The following PLXDC2 variants were observed in gnomAD, a reference collection of about 807,000 sequenced individuals.
The protein encoded by PLXDC2 is plexin domain-containing protein 2.
Under a neutral mutation model 68.9 loss-of-function variants are expected in PLXDC2, and 40 were observed. The observed-to-expected ratio is 0.58, with a 90% CI of 0.45 to 0.76. The LOEUF is 0.76. Among genes scored for constraint, PLXDC2 ranks in the 30% least tolerant of loss-of-function variants. PLXDC2 has a pLI of 0.00. For synonymous variants in PLXDC2, 243 were observed against 234.2 expected (o/e 1.04, Z -0.34); for missense variants, 644 against 661.9 (o/e 0.97, Z 0.30).
chr10:20,171,819 A>G (rs540339762), intron 7 of PLXDC2, among the ~76,000 whole-genome samples: 4 of 152,112 alleles, frequency 2.6e-5, no homozygotes, highest in African/African-American at 7.2e-5. Context: ...ACAATTTAGA[A>G]CTGTGTCTAG....
chr10:19,917,007 A>G (rs1408118890), intron 1 of PLXDC2, among the ~76,000 whole-genome samples: 1 of 152,208 alleles, frequency 6.6e-6, no homozygotes, highest in Non-Finnish European at 1.5e-5. Context: ...TTTGAAGACC[A>G]TTCTTTATAA....
intron 4 of PLXDC2, among the ~76,000 whole-genome samples, chr10:20,124,522 C>T (rs779892369): frequency 3.3e-5 from 5 of 152,118 alleles, no homozygotes; most frequent in African/African-American, 9.7e-5. Flanking sequence ...ATCCAAGTCA[C>T]GGCACCAAAT....
intron 4 of PLXDC2, among the ~76,000 whole-genome samples, chr10:20,109,105 C>G (rs967237289): frequency 5.9e-5 from 9 of 152,158 alleles, no homozygotes; most frequent in African/African-American, 1.9e-4. Flanking sequence ...ATTTGAAATG[C>G]TAACCTGGCG....
chr10:19,945,095 T>C (rs895147325), intron 1 of PLXDC2, among the ~76,000 whole-genome samples: 1 of 152,364 alleles, frequency 6.6e-6, no homozygotes, highest in South Asian at 2.1e-4. Flanking sequence ...TTACAGTCTG[T>C]TTAAACATCC....
intron 2 of PLXDC2, among the ~76,000 whole-genome samples, chr10:20,036,772 T>C (rs1271755416): frequency 6.6e-6 from 1 of 152,178 alleles, no homozygotes; most frequent in Non-Finnish European, 1.5e-5. Flanking sequence ...AGACCCATAA[T>C]TTATTCCGTT....
chr10:20,240,054 T>C (rs766532742), intron 12 of PLXDC2, among the ~76,000 whole-genome samples: 1 of 152,276 alleles, frequency 6.6e-6, no homozygotes, highest in Middle Eastern at 3.4e-3. Context: ...ACCCAATAGG[T>C]AGTTTTTTAA....
At chr10:20,163,938 C>G (rs965984034) in intron 6 of PLXDC2, among the ~76,000 whole-genome samples, 10 of 152,058 alleles carry the variant, frequency 6.6e-5, no homozygotes, top group African/African-American at 2.4e-4. Context: ...AAATGATTGC[C>G]AAATTTAATT....
rs1836066965 is a variant in PLXDC2 at position 20,280,411 on chromosome 10, C to A, written c.*592C>A. The A allele has an allele frequency of 6.6e-6, 1 of 152,318 alleles. No homozygotes were observed. Among genetic ancestry groups the A allele is most frequent in the African/African-American group, 2.4e-5 (1 of 41,458 alleles). 9.4% of individuals were successfully genotyped at this position (152,318 alleles called of 1,614,324 possible). A position where few individuals can be genotyped will look rare whatever the true frequency, so the allele number is the denominator to read the frequency against. On this transcript the variant is annotated 3_prime_UTR_variant, in exon 14 of 14. Coordinates refer to ENST00000377252, the MANE Select transcript of PLXDC2 (RefSeq NM_032812.9). ...TCTGGTCTAGATCCATCTGTACCAACAAGTTCATCACTTTACAGAACGAAT... is the reference window on the plus strand; with the variant it reads ...TCTGGTCTAGATCCATCTGTACCAAAAAGTTCATCACTTTACAGAACGAAT...
intron 7 of PLXDC2, among the ~76,000 whole-genome samples, chr10:20,169,594 G>A (rs988623044): frequency 6.6e-6 from 1 of 152,064 alleles, no homozygotes; most frequent in Non-Finnish European, 1.5e-5. Context: ...GTAACATTTT[G>A]AATTTCAATC....
At chr10:19,976,846 T>C (rs1045234516) in intron 1 of PLXDC2, among the ~76,000 whole-genome samples, 1 of 151,936 alleles carries the variant, frequency 6.6e-6, no homozygotes, top group African/African-American at 2.4e-5. Context: ...CATTTTCTTG[T>C]CCTTATTTTT....
At chr10:20,271,614 T>C (rs1271066402) in intron 13 of PLXDC2, among the ~76,000 whole-genome samples, 1 of 152,060 alleles carries the variant, frequency 6.6e-6, no homozygotes, top group African/African-American at 2.4e-5. Context: ...AAGATAAGGA[T>C]CTGTGCTGAG....
intron 1 of PLXDC2, among the ~76,000 whole-genome samples, chr10:19,909,541 C>G (rs1483872427): frequency 6.6e-6 from 1 of 152,134 alleles, no homozygotes; most frequent in East Asian, 1.9e-4. Context: ...GAGAAAAGGA[C>G]CAACCAATCT....
intron 9 of PLXDC2, among the ~76,000 whole-genome samples, chr10:20,210,961 A>G (rs529458861): frequency 1.4e-4 from 21 of 152,248 alleles, no homozygotes; most frequent in African/African-American, 5.1e-4. Context: ...AGCTCTCCCC[A>G]GGGTCAAACT....
intron 1 of PLXDC2, among the ~76,000 whole-genome samples, chr10:19,958,227 A>G (rs7909565): frequency 9.5e-4 from 145 of 152,238 alleles, no homozygotes; most frequent in African/African-American, 2.9e-3. Flanking sequence ...GCCTGATTGT[A>G]TAGCAGTGAG....
At chr10:20,187,999 C>T (rs978339668) in intron 9 of PLXDC2, among the ~76,000 whole-genome samples, 4 of 151,658 alleles carry the variant, frequency 2.6e-5, no homozygotes, top group Non-Finnish European at 4.4e-5. Flanking sequence ...ATATTCAATA[C>T]TCAATTAAAT....
intron 4 of PLXDC2, among the ~76,000 whole-genome samples, chr10:20,084,713 C>A (rs568344299): frequency 6.6e-6 from 1 of 151,936 alleles, no homozygotes; most frequent in Non-Finnish European, 1.5e-5. Flanking sequence ...TTGTGTTTAA[C>A]GACACAGAGC....
chr10:20,098,459 G>T (rs376034513), intron 4 of PLXDC2, among the ~76,000 whole-genome samples: 12 of 151,988 alleles, frequency 7.9e-5, no homozygotes, highest in African/African-American at 2.7e-4. Context: ...GCCACCTAGA[G>T]AATCCAGGAT....
At chr10:19,852,146 T>G (rs540730805) in intron 1 of PLXDC2, among the ~76,000 whole-genome samples, 24 of 152,116 alleles carry the variant, frequency 1.6e-4, no homozygotes, top group Non-Finnish European at 1.0e-4. Flanking sequence ...GGCTCACACA[T>G]GTAATCCCAG....
At chr10:20,164,274 T>C (rs1834343418) in intron 6 of PLXDC2, among the ~76,000 whole-genome samples, 194 bp from the exon 7 acceptor site, 1 of 152,196 alleles carries the variant, frequency 6.6e-6, no homozygotes, top group African/African-American at 2.4e-5. Context: ...CTGTCTCTTC[T>C]ATTCATTCAA....
Sources: gnomAD v4.1 joint callset for allele counts (sites outside exome capture counted in the v4.1 genomes callset) on GRCh38, gnomAD v4.1.1 for gene constraint, MANE v1.5 for transcripts, NCBI Gene and HGNC (gene_info 2026-07-23, HGNC 2026-07-21) for gene names.